KDM5A: variants seen among roughly 807,000 people sequenced by gnomAD.
KDM5A encodes the protein lysine demethylase 5A, also known as lysine-specific demethylase 5A.
A neutral mutation model predicts 193.5 loss-of-function variants in KDM5A; 42 were observed. The observed-to-expected ratio is 0.22, with a 90% CI of 0.17 to 0.28. KDM5A has a LOEUF of 0.28. KDM5A is among the 10% of genes least tolerant of loss of function. The probability of loss-of-function intolerance (pLI) is 1.00; values close to 1 mark genes in which losing one functional copy is unlikely to be tolerated. For synonymous variants in KDM5A, 796 were observed against 718.1 expected (o/e 1.11, Z -1.73); for missense variants, 1,692 against 2,055.1 (o/e 0.82, Z 3.42).
intron 16 of KDM5A, 59 bp from the exon 17 acceptor site, chr12:322,626 AAAATCTTC>A (rs1943732342): frequency 5.4e-6 from 8 of 1,483,874 alleles, no homozygotes; most frequent in African/African-American, 4.1e-5. Flanking sequence ...AAGCCATTCT[AAAATCTTC>A]ACCAACCTCA....
At chr12:349,509 T>C (rs1944123083) in intron 10 of KDM5A, among the ~76,000 whole-genome samples, 1 of 151,168 alleles carries the variant, frequency 6.6e-6, no homozygotes, top group Admixed American at 6.6e-5. Flanking sequence ...TTTGTATTTT[T>C]AGTAGAGACG....
intron 14 of KDM5A, 85 bp downstream of exon 14, chr12:328,750 T>G (rs1943824476): frequency 8.4e-7 from 1 of 1,186,478 alleles, no homozygotes; most frequent in East Asian, 2.3e-5. Context: ...TCCTAGGGGA[T>G]AAGGGATGAA....
At chr12:353,369 C>T (rs188158618) in intron 8 of KDM5A, among the ~76,000 whole-genome samples, 2 of 151,976 alleles carry the variant, frequency 1.3e-5, no homozygotes, top group Non-Finnish European at 2.9e-5. Context: ...TAAAAGATAC[C>T]GTCAGTTTAT....
chr12:329,035 A>T lies in KDM5A; in HGVS notation c.1774-6T>A. The T allele has an allele frequency of 1.2e-6, 2 of 1,613,556 alleles. No homozygotes were observed. The highest frequency in any genetic ancestry group is 1.7e-6 in the Non-Finnish European group (2 of 1,179,464). On this transcript the variant is annotated splice_region_variant and splice_polypyrimidine_tract_variant and intron_variant, in intron 13 of 27. Transcript: ENST00000399788. ...CATTGACGTCCAATGGGCAACTGAA[A>T]ATGAGATTTCCAAATTAAATAACTC...
At chr12:387,209 T>C in intron 1 of KDM5A, 1 of 366,584 alleles carries the variant, frequency 2.7e-6, no homozygotes, top group Non-Finnish European at 5.2e-6. Context: ...TAAACCTATT[T>C]TAAAACGTTG....
chr12:354,552 G>A (rs142953105), intron 7 of KDM5A, among the ~76,000 whole-genome samples: 1,892 of 152,242 alleles, frequency 0.012, 49 homozygotes, highest in African/African-American at 0.043. Flanking sequence ...CAGATCACGA[G>A]GTCAGGAGAT....
At chr12:342,739 G>A (rs1042956902) in intron 10 of KDM5A, among the ~76,000 whole-genome samples, 3 of 151,010 alleles carry the variant, frequency 2.0e-5, no homozygotes, top group African/African-American at 7.3e-5. Context: ...TCGAATTACA[G>A]GCATGGGCCA....
rs551568943 is a variant in KDM5A, at chr12:344,750, A to G, written c.1308+5871T>C. On this transcript the variant is annotated intron_variant, in intron 10 of 27. Transcript: ENST00000399788. ...TTGTCACCACCAGGCCTGCCTTACA[A>G]GAGCTCCTGAAGGAAGCACTAAACA... Among the ~76,000 whole-genome samples, 21 of 152,370 alleles carry G rather than the reference A, an allele frequency of 1.4e-4. No homozygotes were observed. In the East Asian group the frequency reaches 3.7e-3, roughly 27 times the overall value.
intron 27 of KDM5A, among the ~76,000 whole-genome samples, chr12:287,421 G>A (rs1363300312): frequency 6.6e-6 from 1 of 151,024 alleles, no homozygotes; most frequent in African/African-American, 2.4e-5. Context: ...TTCTGTAATT[G>A]ATTGTTTAGC....
At position 283,543 on chromosome 12, in the gene KDM5A, A is replaced by C. The variant is rs117507662; in HGVS notation, c.*1913T>G. ...TTACAGAAATTGGATTTTATAAGAA[A>C]ACATCTTTTTTTTTGTAAGATTCCT... On this transcript the variant is annotated 3_prime_UTR_variant, in exon 28 of 28. Transcript: ENST00000399788. The C allele has an allele frequency of 0.012, 2,771 of 233,144 alleles. 24 individuals are homozygous for C. Among genetic ancestry groups the C allele is most frequent in the Middle Eastern group, 0.02 (16 of 784 alleles). 14.4% of individuals were successfully genotyped at this position (233,144 alleles called of 1,614,324 possible). A position where few individuals can be genotyped will look rare whatever the true frequency, so the allele number is the denominator to read the frequency against.
At position 285,523 on chromosome 12, in the gene KDM5A, G is replaced by C. The variant is rs1485983791; in HGVS notation, c.5006C>G (p.Pro1669Arg). 1 of 1,614,066 alleles carries C rather than the reference G, an allele frequency of 6.2e-7. No individual in the cohort carries two copies. ...AKKQGPVSPG[P>R]APPPSFIMSY... ...CATTATGAAGGAAGGAGGTGGTGCT[G>C]GACCTGGGCTAACTGGCCCCTGCTT... The change falls in exon 28 of 28, where the codon CCA becomes CGA. Residue 1669 changes from proline (P) to arginine (R), a missense_variant. Transcript: ENST00000399788.
At chr12:301,169 C>A (rs1259084004) in intron 24 of KDM5A, among the ~76,000 whole-genome samples, 1 of 152,226 alleles carries the variant, frequency 6.6e-6, no homozygotes, top group Non-Finnish European at 1.5e-5. Context: ...TCCTCCCTAA[C>A]TCATTTCATG....
intron 2 of KDM5A, among the ~76,000 whole-genome samples, chr12:384,878 A>G (rs1944620772): frequency 6.6e-6 from 1 of 152,194 alleles, no homozygotes; most frequent in South Asian, 2.1e-4. Context: ...ATCTAATTAC[A>G]AGAGACTAAA....
At chr12:362,310 C>G (rs6489452) in intron 5 of KDM5A, among the ~76,000 whole-genome samples, 127,945 of 152,012 alleles carry the variant, frequency 0.84, 54,186 homozygotes, top group African/African-American at 0.93. Flanking sequence ...AAGAAAGAAA[C>G]AAAAGGAAGA....
rs1943139552 is a variant in KDM5A, at chr12:280,168, C to T, written c.*5288G>A. 2 of 232,114 alleles carry T rather than the reference C, an allele frequency of 8.6e-6. No homozygotes were observed. Among genetic ancestry groups the T allele is most frequent in the African/African-American group, 2.2e-5 (1 of 45,300 alleles). 14.4% of individuals were successfully genotyped at this position (232,114 alleles called of 1,614,324 possible). A position where few individuals can be genotyped will look rare whatever the true frequency, so the allele number is the denominator to read the frequency against. Reference sequence around the variant, plus strand: ...TTCCAAAATCACTCTAGTTTATTCACATAATATAGTATTTGATTCCATTCT... The same window carrying T: ...TTCCAAAATCACTCTAGTTTATTCATATAATATAGTATTTGATTCCATTCT... On this transcript the variant is annotated 3_prime_UTR_variant, in exon 28 of 28. Transcript: ENST00000399788.
intron 24 of KDM5A, among the ~76,000 whole-genome samples, chr12:299,196 A>AACACC (rs1943410160): frequency 6.6e-6 from 1 of 152,176 alleles, no homozygotes; most frequent in African/African-American, 2.4e-5. Context: ...AAATACAGAG[A>AACACC]ACACCACAAA....
rs757129849 is a variant in KDM5A, at chr12:385,843, C to T, written c.243+54G>A. 6 of 1,374,188 alleles carry T rather than the reference C, an allele frequency of 4.4e-6. 1 individual carries two copies. The highest frequency in any genetic ancestry group is 1.2e-5 in the South Asian group (1 of 86,366). The allele number at this position is 1,374,188 out of a possible 1,614,324, so 85.1% of individuals were successfully genotyped here. The stretch of plus-strand genomic sequence containing the variant: ...TGAGCTTCTCAAAGTTCTCTACCTA[C>T]AGCCCTAATATAAAGAATGAATCAG... On this transcript the variant is annotated intron_variant, in intron 2 of 27. Coordinates refer to ENST00000399788, the MANE Select transcript of KDM5A (RefSeq NM_001042603.3).
intron 27 of KDM5A, among the ~76,000 whole-genome samples, chr12:292,184 G>A (rs568092864): frequency 2.6e-5 from 4 of 152,270 alleles, no homozygotes; most frequent in Admixed American, 6.5e-5. Flanking sequence ...GATTACAGGC[G>A]TGAGCCACAC....
intron 26 of KDM5A, 21 bp downstream of exon 26, chr12:295,552 A>C (rs753209932): frequency 6.2e-7 from 1 of 1,605,710 alleles, no homozygotes; most frequent in African/African-American, 1.3e-5. Context: ...ACCACTGTTT[A>C]AATAAGTATT....
Sources: allele counts gnomAD v4.1 joint callset (sites outside exome capture counted in the v4.1 genomes callset), GRCh38; gene constraint gnomAD v4.1.1; transcripts MANE v1.5; gene names NCBI Gene and HGNC (gene_info 2026-07-23, HGNC 2026-07-21).